The following TBX1 variants were observed in gnomAD, a reference collection of about 807,000 sequenced individuals.
The protein encoded by TBX1 is T-box transcription factor TBX1.
TBX1 carries 16 observed loss-of-function variants against 40.8 expected under a neutral mutation model. The observed-to-expected ratio is 0.39, with a 90% CI of 0.27 to 0.60. TBX1 has a LOEUF of 0.60. Ranked by LOEUF, TBX1 falls within the 20% of genes least tolerant of loss-of-function variation. The pLI is 0.51. For missense variants in TBX1, 755 were observed against 728.5 expected, an observed-to-expected ratio of 1.04 and a Z score of -0.42; for synonymous variants, 403 against 336.8, an observed-to-expected ratio of 1.20 and a Z score of -2.15.
At chr22:19,759,801 G>A (rs1936582769), upstream of TBX1, 17 of 1,163,462 alleles carry the variant, frequency 1.5e-5, no homozygotes, top group South Asian at 1.8e-4. Flanking sequence ...GCTTCTGGCT[G>A]CGATTCTGGG....
At position 19,766,720 on chromosome 22, in the gene TBX1, C is replaced by CCCGCACGCGCAT. The variant is rs1341195668; in HGVS notation, c.1375_1386dup (p.Ala459_His462dup). The CCCGCACGCGCAT allele has an allele frequency of 2.6e-6, 4 of 1,542,664 alleles. No homozygotes were observed. The highest frequency in any genetic ancestry group is 2.6e-5 in the East Asian group (1 of 38,276). On this transcript the variant is annotated inframe_insertion, in exon 7 of 7. Transcript: ENST00000649276. ...CCGGCCTGCGTGGCCACGGCTACCACCCGCACGCGCATCCGCACCACCACC... is the reference window on the plus strand; with the variant it reads ...CCGGCCTGCGTGGCCACGGCTACCACCCGCACGCGCATCCGCACGCGCATCCGCACCACCACC...
chr22:19,768,879 T>C (rs1466591913), downstream of TBX1, among the ~76,000 whole-genome samples: 1 of 151,114 alleles, frequency 6.6e-6, no homozygotes, highest in Admixed American at 6.6e-5. Context: ...CCCCTCCTGT[T>C]GGGATGGCCA....
downstream of TBX1, among the ~76,000 whole-genome samples, chr22:19,769,865 T>C (rs533286402): frequency 4.6e-5 from 7 of 152,370 alleles, no homozygotes; most frequent in East Asian, 5.8e-4. Flanking sequence ...TAACTGTCCA[T>C]TGTTGATAAG....
intron 2 of TBX1, chr22:19,763,830 A>G: frequency 8.0e-6 from 4 of 497,954 alleles, no homozygotes; most frequent in Non-Finnish European, 1.1e-5. Context: ...AGGCCCGGCA[A>G]GGCCAAGTGT....
upstream of TBX1, chr22:19,759,537 G>A: frequency 1.3e-6 from 2 of 1,553,456 alleles, no homozygotes; most frequent in Non-Finnish European, 1.7e-6. Context: ...AGTGCGTTCA[G>A]CATCGCCTCT....
upstream of TBX1, among the ~76,000 whole-genome samples, chr22:19,758,835 T>A (rs938057315): frequency 3.9e-5 from 6 of 151,976 alleles, no homozygotes; most frequent in African/African-American, 1.5e-4. Flanking sequence ...TCTGCTGGGG[T>A]CTCCAGCGAC....
At chr22:19,781,077 C>A (rs1243835805), downstream of TBX1, among the ~76,000 whole-genome samples, 3 of 152,118 alleles carry the variant, frequency 2.0e-5, no homozygotes, top group Admixed American at 6.6e-5. Context: ...CCACTGCACC[C>A]GGCCCTGTTT....
upstream of TBX1, among the ~76,000 whole-genome samples, chr22:19,758,707 C>T (rs1047055908): frequency 2.0e-5 from 3 of 151,806 alleles, no homozygotes; most frequent in Admixed American, 6.6e-5. Context: ...GCAGGGAGGT[C>T]GGAGGAGCGG....
chr22:19,763,592 TG>T, intron 2 of TBX1: 1 of 554,320 alleles, frequency 1.8e-6, no homozygotes, highest in Admixed American at 3.0e-5. Context: ...TGGGCTGGTG[TG>T]GCCCTAGGGT....
downstream of TBX1, chr22:19,779,662 A>G (rs41298012): frequency 1.2e-6 from 1 of 865,882 alleles, no homozygotes; most frequent in Non-Finnish European, 1.6e-6. Context: ...ACACTTCTAA[A>G]TATTTAATGG....
At chr22:19,782,080 A>G (rs962081549), downstream of TBX1, among the ~76,000 whole-genome samples, 5 of 152,174 alleles carry the variant, frequency 3.3e-5, no homozygotes, top group Non-Finnish European at 1.5e-5. Context: ...AAATTTTGAA[A>G]CCAGGAAGTA....
chr22:19,763,024 C>T (rs544557534), intron 1 of TBX1, among the ~76,000 whole-genome samples: 2 of 152,312 alleles, frequency 1.3e-5, no homozygotes, highest in African/African-American at 4.8e-5. Flanking sequence ...CAGGAACGGC[C>T]CAGGAGGCTC....
chr22:19,763,917 C>G (rs552716441), intron 2 of TBX1, among the ~76,000 whole-genome samples: 2 of 152,238 alleles, frequency 1.3e-5, no homozygotes, highest in African/African-American at 4.8e-5. Flanking sequence ...CAGCCTCCCC[C>G]TCTCGGTGCC....
At chr22:19,770,181 G>C (rs1936965115), downstream of TBX1, among the ~76,000 whole-genome samples, 1 of 152,200 alleles carries the variant, frequency 6.6e-6, no homozygotes, top group Non-Finnish European at 1.5e-5. Flanking sequence ...CAGGACTCAG[G>C]AGGACGAGAG....
At chr22:19,778,614 C>T (rs9798754) in intron 8 of TBX1, among the ~76,000 whole-genome samples, 64,418 of 151,232 alleles carry the variant, frequency 0.43, 14,168 homozygotes, top group East Asian at 0.59. Flanking sequence ...TTTGTATTTT[C>T]AGTAGAGACG....
chr22:19,760,745 A>G (rs1936626024), upstream of TBX1, among the ~76,000 whole-genome samples: 1 of 120,070 alleles, frequency 8.3e-6, no homozygotes, highest in South Asian at 3.0e-4. Context: ...GTGGGGCTGC[A>G]CGGCCCGGGG....
At position 19,760,851 on chromosome 22, in the gene TBX1, C is replaced by A; in HGVS notation, c.8C>A (p.Ser3Tyr). 2.0e-6 allele frequency: 2 copies of A among 996,856 alleles called. No homozygotes were observed. The highest frequency in any genetic ancestry group is 2.4e-6 in the Non-Finnish European group (2 of 829,450). The allele number at this position is 996,856 out of a possible 1,614,324, so 61.8% of individuals were successfully genotyped here. A position where few individuals can be genotyped will look rare whatever the true frequency, so the allele number is the denominator to read the frequency against. Residue 3 changes from serine (S) to tyrosine (Y), a missense_variant, in exon 1 of 7, where the codon TCC (serine) becomes TAC (tyrosine). Coordinates refer to ENST00000649276, the MANE Select transcript of TBX1 (RefSeq NM_001379200.1). Reference protein sequence around the residue: MISAVSSPWLTQL... With the variant: MIYAVSSPWLTQL... ...GGCGGCGGCCCGCGGGTCATGATCT[C>A]CGCCGTGTCCAGCCCGTGGCTCACG...
chr22:19,770,030 A>C (rs1308557670), downstream of TBX1, among the ~76,000 whole-genome samples: 1 of 152,074 alleles, frequency 6.6e-6, no homozygotes, highest in South Asian at 2.1e-4. Flanking sequence ...GGTGTAGGGG[A>C]TAGGGGGCTC....
chr22:19,760,935 G>T lies in TBX1; in HGVS notation c.92G>T (p.Gly31Val), dbSNP rs1936635296. Reference sequence around the variant, plus strand: ...ACGGCCAGCAGCCTGAGCAGCCTGGGGGCCGCGGGGGGCTTCCCGGGCGCC... The same window carrying T: ...ACGGCCAGCAGCCTGAGCAGCCTGGTGGCCGCGGGGGGCTTCCCGGGCGCC... ...AFTASSLSSL[G>V]AAGGFPGAAS... The change falls in exon 1 of 7, where the codon GGG (glycine) becomes GTG (valine). Residue 31 changes from glycine (G) to valine (V), a missense_variant. Physicochemically the swap from Gly to Val is moderately radical, Grantham distance 109. Transcript: ENST00000649276. 3.0e-6 allele frequency: 3 copies of T among 1,014,468 alleles called. No individual in the cohort carries two copies. Among genetic ancestry groups the T allele is most frequent in the Admixed American group, 5.5e-5 (1 of 18,094 alleles). The allele number at this position is 1,014,468 out of a possible 1,614,324, so 62.8% of individuals were successfully genotyped here.
Sources: allele counts gnomAD v4.1 joint callset (sites outside exome capture counted in the v4.1 genomes callset), GRCh38; gene constraint gnomAD v4.1.1; transcripts MANE v1.5; gene names NCBI Gene and HGNC (gene_info 2026-07-23, HGNC 2026-07-21).